CDHR3: variants seen among roughly 807,000 people sequenced by gnomAD.
CDHR3 encodes cadherin related family member 3, also known as cadherin-related family member 3.
A neutral mutation model predicts 86.6 loss-of-function variants in CDHR3; 79 were observed. The observed-to-expected ratio is 0.91, with a 90% confidence interval of 0.76 to 1.10. The LOEUF (loss-of-function observed/expected upper bound fraction) is 1.10, where lower values mean the gene tolerates loss of function less well. CDHR3 is among the 50% of genes least tolerant of loss of function. The pLI is 0.00. For missense variants in CDHR3, 1,081 were observed against 1,077.6 expected (o/e 1.00, Z -0.04); for synonymous variants, 421 against 402.4 (o/e 1.05, Z -0.55).
At chr7:106,023,064 C>T (rs996371385) in intron 14 of CDHR3, among the ~76,000 whole-genome samples, 4 of 152,182 alleles carry the variant, frequency 2.6e-5, no homozygotes, top group African/African-American at 4.8e-5. Context: ...TCTCTAAGTG[C>T]GGTCCCTAGA....
intron 15 of CDHR3, 30 bp downstream of exon 15, chr7:106,024,592 C>G (rs565236724): frequency 6.2e-7 from 1 of 1,605,166 alleles, no homozygotes; most frequent in Non-Finnish European, 8.5e-7. Context: ...GGCCCTCTTC[C>G]CCACCTCCTT....
intron 2 of CDHR3, among the ~76,000 whole-genome samples, chr7:105,975,380 ATTGATCTCC>A (rs1828650475): frequency 1.3e-5 from 2 of 152,180 alleles, no homozygotes; most frequent in Non-Finnish European, 2.9e-5. Context: ...TAGTTTGGAT[ATTGATCTCC>A]CTAAAAGCCA....
Position 106,030,648 on chromosome 7 carries a change from C to T in CDHR3, c.2305-144C>T. 2.8e-6 allele frequency: 2 copies of T among 703,584 alleles called. No homozygotes were observed. The highest frequency in any genetic ancestry group is 2.7e-5 in the East Asian group (1 of 36,816). The allele number at this position is 703,584 out of a possible 1,614,324, so 43.6% of individuals were successfully genotyped here. The stretch of plus-strand genomic sequence containing the variant: ...ATGCCTGCCTTGTTCATCACTGTGT[C>T]CCCTGCATCTATCACAGTGCCTAAT... On this transcript the variant is annotated intron_variant, in intron 17 of 18. Transcript: ENST00000317716. The surrounding 1 kb of genome is among the most constrained non-coding windows in gnomAD (Gnocchi z 4.8).
intron 13 of CDHR3, among the ~76,000 whole-genome samples, chr7:106,021,066 GATA>G (rs1469800656): frequency 2.0e-5 from 3 of 152,078 alleles, no homozygotes; most frequent in Non-Finnish European, 4.4e-5. Flanking sequence ...CCTCTCTCTG[GATA>G]ATAATAGATT....
At chr7:105,988,649 C>T (rs1278765423) in intron 4 of CDHR3, among the ~76,000 whole-genome samples, 2 of 152,122 alleles carry the variant, frequency 1.3e-5, no homozygotes, top group African/African-American at 4.8e-5. Context: ...GTATTTGCTC[C>T]CTTCTTTTTA....
Position 106,001,455 on chromosome 7 carries a change from G to A in CDHR3, c.714-7G>A, listed in dbSNP as rs746259039. On this transcript the variant is annotated splice_region_variant and splice_polypyrimidine_tract_variant and intron_variant, in intron 6 of 18. Transcript: ENST00000317716. Reference sequence around the variant, plus strand: ...AATTAGCTGTGTCTGCTGTATCTCTGTTCCAGCCCGACACGAGTGTACACA... The same window carrying A: ...AATTAGCTGTGTCTGCTGTATCTCTATTCCAGCCCGACACGAGTGTACACA... 11 of 1,613,520 alleles carry A rather than the reference G, an allele frequency of 6.8e-6. No individual in the cohort carries two copies. In the African/African-American group the frequency reaches 1.1e-4, roughly 16 times the overall value.
intron 3 of CDHR3, among the ~76,000 whole-genome samples, chr7:105,983,740 C>T (rs987966283): frequency 1.3e-5 from 2 of 152,194 alleles, no homozygotes; most frequent in Non-Finnish European, 2.9e-5. Context: ...CTGTAAGATC[C>T]CTCATTTCAA....
At chr7:106,013,155 C>A in intron 9 of CDHR3, 124 bp downstream of exon 9, 1 of 812,202 alleles carries the variant, frequency 1.2e-6, no homozygotes, top group Non-Finnish European at 1.9e-6. Context: ...CTGTAACTGA[C>A]AGGCTTAATA....
intron 4 of CDHR3, among the ~76,000 whole-genome samples, chr7:105,989,879 C>T (rs1054674298): frequency 6.6e-6 from 1 of 152,174 alleles, no homozygotes; most frequent in African/African-American, 2.4e-5. Flanking sequence ...ACCATACACC[C>T]CCACCTGCCC....
chr7:106,012,854 C>T lies in CDHR3; in HGVS notation c.1053-6C>T. On this transcript the variant is annotated splice_region_variant and splice_polypyrimidine_tract_variant and intron_variant, in intron 8 of 18. Coordinates refer to ENST00000317716, the MANE Select transcript of CDHR3 (RefSeq NM_152750.5). ...GGGGAAATACTGGATTGTGTCTTTTCACCAGCATTATGGTGCCGGAAAGAA... is the reference window on the plus strand; with the variant it reads ...GGGGAAATACTGGATTGTGTCTTTTTACCAGCATTATGGTGCCGGAAAGAA... The T allele has an allele frequency of 6.3e-7, 1 of 1,592,554 alleles. No individual in the cohort carries two copies. The highest frequency in any genetic ancestry group is 8.5e-7 in the Non-Finnish European group (1 of 1,170,208).
chr7:105,987,616 G>T (rs531456526), intron 4 of CDHR3, among the ~76,000 whole-genome samples: 1 of 152,292 alleles, frequency 6.6e-6, no homozygotes, highest in South Asian at 2.1e-4. Context: ...CACTGGGGGA[G>T]CTTTAAAGAA....
rs1425260586 is a variant in CDHR3, at chr7:106,030,813, A to G, written c.2326A>G (p.Ile776Val). 2 of 1,611,552 alleles carry G rather than the reference A, an allele frequency of 1.2e-6. No homozygotes were observed. The highest frequency in any genetic ancestry group is 1.7e-5 in the Admixed American group (1 of 59,730). Reference sequence around the variant, plus strand: ...TTAGGAAACTATCCAGATGAACACTATCTTTGATGGAGAAGCCATAGATCC... The same window carrying G: ...TTAGGAAACTATCCAGATGAACACTGTCTTTGATGGAGAAGCCATAGATCC... ...VVVETIQMNT[I>V]FDGEAIDPVT... Residue 776 changes from isoleucine to valine, a missense_variant, in exon 18 of 19, where the codon ATC becomes GTC. Physicochemically the swap from Ile to Val is conservative, Grantham distance 29. Transcript: ENST00000317716. This position sits in a 1 kb window ranked among gnomAD's most constrained non-coding sequence, Gnocchi z 4.8.
intron 1 of CDHR3, among the ~76,000 whole-genome samples, chr7:105,973,074 A>G (rs1215311533): frequency 6.6e-6 from 1 of 151,824 alleles, no homozygotes; most frequent in East Asian, 1.9e-4. Context: ...GTCCCTACCC[A>G]CTCCGTGCCT....
intron 13 of CDHR3, 63 bp downstream of exon 13, chr7:106,020,607 AGGGGTCTGT>A (rs1314774622): frequency 2.1e-5 from 33 of 1,548,772 alleles, no homozygotes; most frequent in Non-Finnish European, 2.7e-5. Flanking sequence ...TGTCTAGGGT[AGGGGTCTGT>A]GCTCACACAC....
At chr7:106,015,810 G>C in intron 10 of CDHR3, 117 bp from the exon 11 acceptor site, 3 of 775,570 alleles carry the variant, frequency 3.9e-6, no homozygotes, top group Non-Finnish European at 6.7e-6. Flanking sequence ...CCATGTCTTA[G>C]CCACCTGGTA....
In CDHR3 at chr7:106,033,790, T is replaced by C. The variant is rs1303082725; in HGVS notation, c.*1093T>C. Reference sequence around the variant, plus strand: ...ACAACACTATGAACTTTCTTGTACATGTCTTTTGGTGAACATAAACACTCA... The same window carrying C: ...ACAACACTATGAACTTTCTTGTACACGTCTTTTGGTGAACATAAACACTCA... On this transcript the variant is annotated 3_prime_UTR_variant, in exon 19 of 19. Coordinates refer to ENST00000317716, the MANE Select transcript of CDHR3 (RefSeq NM_152750.5). The C allele has an allele frequency of 6.6e-6, 1 of 152,180 alleles. No homozygotes were observed. Among genetic ancestry groups the C allele is most frequent in the Non-Finnish European group, 1.5e-5 (1 of 68,036 alleles). The allele number at this position is 152,180 out of a possible 1,614,324, so 9.4% of individuals were successfully genotyped here. A position where few individuals can be genotyped will look rare whatever the true frequency, so the allele number is the denominator to read the frequency against.
intron 3 of CDHR3, 90 bp downstream of exon 3, chr7:105,981,223 C>T: frequency 1.5e-6 from 2 of 1,332,434 alleles, no homozygotes; most frequent in Non-Finnish European, 2.0e-6. Context: ...AGTAAATAAA[C>T]AAGCAGCTGT....
intron 6 of CDHR3, among the ~76,000 whole-genome samples, chr7:106,000,259 G>A (rs1832928922): frequency 6.6e-6 from 1 of 152,258 alleles, no homozygotes; most frequent in Non-Finnish European, 1.5e-5. Flanking sequence ...TATACCCACA[G>A]AAGTCCACCT....
intron 10 of CDHR3, 136 bp downstream of exon 10, chr7:106,015,349 C>A (rs1263462582): frequency 1.5e-6 from 1 of 654,728 alleles, no homozygotes; most frequent in African/African-American, 1.8e-5. Context: ...CCCTCTTTCT[C>A]GGCTGAATTA....
Sources: gnomAD v4.1 joint callset for allele counts (sites outside exome capture counted in the v4.1 genomes callset) on GRCh38, gnomAD v4.1.1 for gene constraint, Gnocchi (gnomAD v3.1) non-coding constraint, MANE v1.5 for transcripts, NCBI Gene and HGNC (gene_info 2026-07-23, HGNC 2026-07-21) for gene names.